PCSK5: variants seen among roughly 807,000 people sequenced by gnomAD.
The protein encoded by PCSK5 is prohormone convertase 5.
Under a neutral mutation model 233.2 loss-of-function variants are expected in PCSK5, and 129 were observed. The observed-to-expected ratio is 0.55, with a 90% CI of 0.48 to 0.64. The LOEUF (loss-of-function observed/expected upper bound fraction) is 0.64, where lower values mean the gene tolerates loss of function less well. Among genes scored for constraint, PCSK5 ranks in the 30% least tolerant of loss-of-function variants. The probability of loss-of-function intolerance (pLI) is 0.00; values close to 1 mark genes in which losing one functional copy is unlikely to be tolerated. For synonymous variants in PCSK5, 825 were observed against 879.2 expected, an observed-to-expected ratio of 0.94 and a Z score of 1.09; for missense variants, 2,076 against 2,430.1, an observed-to-expected ratio of 0.85 and a Z score of 3.06.
At chr9:75,914,250 G>A (rs1339021063) in intron 1 of PCSK5, among the ~76,000 whole-genome samples, 2 of 152,144 alleles carry the variant, frequency 1.3e-5, no homozygotes, top group Non-Finnish European at 2.9e-5. Context: ...AGAGTATGAC[G>A]AAGTTCCATA....
intron 28 of PCSK5, 27 bp downstream of exon 28, chr9:76,302,244 T>C (rs7028066): frequency 0.064 from 70,493 of 1,098,284 alleles, 2,440 homozygotes; most frequent in Non-Finnish European, 0.068. Context: ...GAGGCAACAA[T>C]CACAGCAGCA....
intron 24 of PCSK5, among the ~76,000 whole-genome samples, chr9:76,244,174 C>A (rs11144807): frequency 6.6e-6 from 1 of 151,700 alleles, no homozygotes; most frequent in East Asian, 1.9e-4. Context: ...TGCAGTGAGC[C>A]GTATTCATGC....
intron 1 of PCSK5, among the ~76,000 whole-genome samples, chr9:75,926,723 A>G (rs982085925): frequency 2.6e-5 from 4 of 152,168 alleles, no homozygotes; most frequent in Non-Finnish European, 1.5e-5. Flanking sequence ...ACATATTTTG[A>G]AATGTATTCA....
At chr9:75,963,416 G>A (rs1419550280) in intron 2 of PCSK5, among the ~76,000 whole-genome samples, 1 of 152,174 alleles carries the variant, frequency 6.6e-6, no homozygotes, top group Non-Finnish European at 1.5e-5. Context: ...ATTATAGAGC[G>A]GCATCTTCAC....
At chr9:75,954,082 G>C (rs554601813) in intron 2 of PCSK5, among the ~76,000 whole-genome samples, 3 of 152,104 alleles carry the variant, frequency 2.0e-5, no homozygotes, top group Non-Finnish European at 4.4e-5. Context: ...ATCTGAATAG[G>C]TTAATAATCT....
At chr9:75,934,038 A>T (rs529348326) in intron 2 of PCSK5, among the ~76,000 whole-genome samples, 97 of 152,282 alleles carry the variant, frequency 6.4e-4, no homozygotes, top group African/African-American at 2.3e-3. Context: ...CCTTCTTGTT[A>T]TCTTGGGGCA....
Position 76,329,133 on chromosome 9 carries a change from T to C in PCSK5, c.4570+894T>C, listed in dbSNP as rs1009287359. ...TGCGCCCGGCCACTTTTTTGTTTGT[T>C]TGTTTTTTGTTTTAAGAGACAAGTT... On this transcript the variant is annotated intron_variant, in intron 33 of 37. Coordinates refer to ENST00000674117, the MANE Select transcript of PCSK5 (RefSeq NM_001372043.1). Among the ~76,000 whole-genome samples the C allele has an allele frequency of 5.9e-5, 9 of 151,274 alleles. No individual in the cohort carries two copies. In the South Asian group the frequency reaches 1.9e-3, roughly 32 times the overall value.
chr9:76,282,145 T>TTTTTTTTTTATTTTTTTTTTC, intron 24 of PCSK5, among the ~76,000 whole-genome samples: 1 of 98,906 alleles, frequency 1.0e-5, no homozygotes, highest in Admixed American at 1.3e-4. Context: ...TTTTTTTTTT[T>TTTTTTTTTTATTTTTTTTTTC]TTCGCTCTGT....
chr9:76,014,016 C>A (rs1587498666), intron 3 of PCSK5, among the ~76,000 whole-genome samples: 2 of 151,410 alleles, frequency 1.3e-5, no homozygotes, highest in African/African-American at 4.9e-5. Context: ...TTATCCAAGC[C>A]ACACCACATT....
intron 9 of PCSK5, among the ~76,000 whole-genome samples, chr9:76,118,411 C>T (rs1181442256): frequency 2.0e-5 from 3 of 152,058 alleles, no homozygotes. Flanking sequence ...CCTTACTTAG[C>T]AATGAAAGTG....
At chr9:75,965,206 G>A (rs2131351857) in intron 2 of PCSK5, among the ~76,000 whole-genome samples, 1 of 152,210 alleles carries the variant, frequency 6.6e-6, no homozygotes, top group South Asian at 2.1e-4. Flanking sequence ...GGGACCCAGG[G>A]CCAGTAGGAG....
chr9:75,912,125 GA>G lies in PCSK5; in HGVS notation c.193-20253del, dbSNP rs528460109. On this transcript the variant is annotated intron_variant, in intron 1 of 37. Transcript: ENST00000674117. ...AAAAGAACAACAAAAAAGCAGGGAA[GA>G]GGGGAACAGAGACTGGAAATTTTTT... is the stretch of plus-strand genomic sequence containing the variant. 2.7e-3 allele frequency among the ~76,000 whole-genome samples: 406 copies of G among 152,068 alleles called. 1 individual carries two copies. Among genetic ancestry groups the G allele is most frequent in the Non-Finnish European group, 4.4e-3 (299 of 68,010 alleles).
chr9:76,262,085 G>C (rs866327491), intron 24 of PCSK5, among the ~76,000 whole-genome samples: 1 of 152,144 alleles, frequency 6.6e-6, no homozygotes, highest in African/African-American at 2.4e-5. Context: ...TCTTGTGCCA[G>C]TTTTCAAAGG....
intron 5 of PCSK5, among the ~76,000 whole-genome samples, chr9:76,056,772 G>A (rs956521075): frequency 1.3e-5 from 2 of 152,136 alleles, no homozygotes; most frequent in African/African-American, 2.4e-5. Context: ...GTATCCTTAA[G>A]AGAATCAGAA....
chr9:75,893,274 G>GAAACC (rs1825684796), intron 1 of PCSK5, among the ~76,000 whole-genome samples: 1 of 152,094 alleles, frequency 6.6e-6, no homozygotes, highest in African/African-American at 2.4e-5. Context: ...AGGAGATGAG[G>GAAACC]AAACCGAGAC....
At chr9:76,096,180 T>C in intron 8 of PCSK5, 78 bp downstream of exon 8, 1 of 583,170 alleles carries the variant, frequency 1.7e-6, no homozygotes. Flanking sequence ...ACCATAAACA[T>C]ATATATATAT....
chr9:76,009,269 C>T (rs1563970133), intron 3 of PCSK5, among the ~76,000 whole-genome samples: 1 of 151,966 alleles, frequency 6.6e-6, no homozygotes, highest in Non-Finnish European at 1.5e-5. Flanking sequence ...TATTCAATCT[C>T]AATTTCAGTT....
At chr9:76,079,270 A>AT (rs1408267869) in intron 7 of PCSK5, among the ~76,000 whole-genome samples, 1 of 150,984 alleles carries the variant, frequency 6.6e-6, no homozygotes, top group Non-Finnish European at 1.5e-5. Context: ...TGCCCAGCTA[A>AT]TTTTTGTATT....
chr9:76,012,104 C>T (rs566680614), intron 3 of PCSK5, among the ~76,000 whole-genome samples: 34 of 152,168 alleles, frequency 2.2e-4, no homozygotes, highest in Admixed American at 1.6e-3. Context: ...TGAATAAGCA[C>T]GGTTGGAAAT....
Sources: allele counts gnomAD v4.1 joint callset (sites outside exome capture counted in the v4.1 genomes callset), GRCh38; gene constraint gnomAD v4.1.1; transcripts MANE v1.5; gene names NCBI Gene and HGNC (gene_info 2026-07-23, HGNC 2026-07-21).